Variants in C12orf54 observed in about 807,000 individuals in gnomAD.
The protein encoded by C12orf54 is uncharacterized protein C12orf54.
A neutral mutation model predicts 26.4 loss-of-function variants in C12orf54; 24 were observed. The ratio of observed to expected loss-of-function variants is 0.91; its 90% confidence interval spans 0.66 to 1.28. The LOEUF is 1.28. Ranked by LOEUF, C12orf54 falls within the 50% of genes most tolerant of loss-of-function variation. C12orf54 has a pLI of 0.00. For missense variants in C12orf54, 154 were observed against 150.9 expected, an observed-to-expected ratio of 1.02 and a Z score of -0.11; for synonymous variants, 54 against 47.0, an observed-to-expected ratio of 1.15 and a Z score of -0.61.
the C12orf54 span, among the ~76,000 whole-genome samples, chr12:48,433,326 C>A: frequency 6.6e-6 from 1 of 152,066 alleles, no homozygotes; most frequent in Non-Finnish European, 1.5e-5. Flanking sequence ...CGATTCTATT[C>A]AAAAAACTAT....
the C12orf54 span, among the ~76,000 whole-genome samples, chr12:48,422,920 A>C: frequency 6.6e-6 from 1 of 152,204 alleles, no homozygotes. Flanking sequence ...TTATTTTATC[A>C]GGTATTAGAA....
the C12orf54 span, among the ~76,000 whole-genome samples, chr12:48,444,394 T>C: frequency 6.6e-6 from 1 of 152,208 alleles, no homozygotes; most frequent in African/African-American, 2.4e-5. Flanking sequence ...AAAGGTCTCC[T>C]CTTTTCCACT....
chr12:48,429,141 C>T, the C12orf54 span, among the ~76,000 whole-genome samples: 1 of 151,886 alleles, frequency 6.6e-6, no homozygotes, highest in African/African-American at 2.4e-5. Context: ...AAACTCTCAG[C>T]AAAATCGGCA....
chr12:48,428,411 T>A, the C12orf54 span, among the ~76,000 whole-genome samples: 21,493 of 151,386 alleles, frequency 0.14, 2,052 homozygotes, highest in Non-Finnish European at 0.22. Context: ...ATAAAAGTGA[T>A]AGACCATTAG....
the C12orf54 span, among the ~76,000 whole-genome samples, chr12:48,452,911 C>A: frequency 6.6e-6 from 1 of 152,090 alleles, no homozygotes; most frequent in African/African-American, 2.4e-5. Flanking sequence ...TTAGTTCAAC[C>A]ATTGTAGAAG....
the C12orf54 span, among the ~76,000 whole-genome samples, chr12:48,439,519 C>T: frequency 2.6e-5 from 4 of 152,120 alleles, no homozygotes; most frequent in African/African-American, 4.8e-5. Flanking sequence ...CAATGATAGA[C>T]TGGATTAAGA....
the C12orf54 span, among the ~76,000 whole-genome samples, chr12:48,449,250 G>A: frequency 6.6e-6 from 1 of 152,090 alleles, no homozygotes; most frequent in Non-Finnish European, 1.5e-5. Context: ...GAAAGAAAAA[G>A]ATCTAGCTAT....
the C12orf54 span, among the ~76,000 whole-genome samples, chr12:48,415,365 T>G: frequency 6.6e-6 from 1 of 152,204 alleles, no homozygotes; most frequent in South Asian, 2.1e-4. Context: ...CACCTACCAT[T>G]CTCTTTTCAA....
the C12orf54 span, among the ~76,000 whole-genome samples, chr12:48,450,280 A>G: frequency 1.3e-5 from 2 of 152,234 alleles, no homozygotes; most frequent in African/African-American, 2.4e-5. Flanking sequence ...GTCTTTTGAA[A>G]TTAGTGAGCA....
chr12:48,431,134 T>C, the C12orf54 span, among the ~76,000 whole-genome samples: 1 of 152,062 alleles, frequency 6.6e-6, no homozygotes, highest in Non-Finnish European at 1.5e-5. Flanking sequence ...CAATGGACTT[T>C]GGGAACTTGT....
the C12orf54 span, among the ~76,000 whole-genome samples, chr12:48,454,452 T>A: frequency 6.6e-6 from 1 of 152,168 alleles, no homozygotes; most frequent in East Asian, 1.9e-4. Context: ...TAGTCATTTT[T>A]ACCTGACATA....
upstream of C12orf54, among the ~76,000 whole-genome samples, chr12:48,480,608 G>T (rs575926224): frequency 1.2e-4 from 18 of 152,204 alleles, no homozygotes; most frequent in South Asian, 3.7e-3. Context: ...ACTGCTGGTG[G>T]GGATGCAAAT....
chr12:48,461,058 AAAG>A, the C12orf54 span, among the ~76,000 whole-genome samples: 1 of 152,028 alleles, frequency 6.6e-6, no homozygotes, highest in African/African-American at 2.4e-5. Flanking sequence ...AAGGATATCA[AAAG>A]AAAAGTGATG....
intron 2 of C12orf54, among the ~76,000 whole-genome samples, 184 bp from the exon 3 acceptor site, chr12:48,485,994 G>A (rs111818101): frequency 1.3e-5 from 2 of 152,242 alleles, no homozygotes; most frequent in African/African-American, 4.8e-5. Context: ...TGGAAGATGA[G>A]GCAAGTATCT....
the C12orf54 span, among the ~76,000 whole-genome samples, chr12:48,470,140 G>A: frequency 6.6e-6 from 1 of 152,162 alleles, no homozygotes; most frequent in Non-Finnish European, 1.5e-5. Context: ...ACTCTGAATA[G>A]TGCAGCGATG....
the C12orf54 span, among the ~76,000 whole-genome samples, chr12:48,416,491 A>AC: frequency 2.0e-5 from 3 of 152,036 alleles, no homozygotes; most frequent in Non-Finnish European, 4.4e-5. Flanking sequence ...AACAACACCT[A>AC]CCCCTCCAAA....
At chr12:48,474,997 C>A in the C12orf54 span, among the ~76,000 whole-genome samples, 2 of 152,218 alleles carry the variant, frequency 1.3e-5, no homozygotes, top group Non-Finnish European at 2.9e-5. Flanking sequence ...AGGCACCCCC[C>A]AGTAGGGGCA....
At chr12:48,478,735 C>T (rs948936335), upstream of C12orf54, among the ~76,000 whole-genome samples, 11 of 152,178 alleles carry the variant, frequency 7.2e-5, no homozygotes, top group African/African-American at 2.4e-4. Flanking sequence ...CAAAAGAAGA[C>T]ATTTATGCAG....
chr12:48,466,593 G>A, the C12orf54 span, among the ~76,000 whole-genome samples: 4 of 150,602 alleles, frequency 2.7e-5, no homozygotes, highest in South Asian at 4.2e-4. Flanking sequence ...TGCTTAACAC[G>A]ATTCGTTATT....
Sources: gnomAD v4.1 joint callset for allele counts (sites outside exome capture counted in the v4.1 genomes callset) on GRCh38, gnomAD v4.1.1 for gene constraint, MANE v1.5 for transcripts, NCBI Gene and HGNC (gene_info 2026-07-23, HGNC 2026-07-21) for gene names.